The following TENM2 variants were observed in gnomAD, a reference collection of about 807,000 sequenced individuals.
TENM2 encodes teneurin-2.
A neutral mutation model predicts 245.2 loss-of-function variants in TENM2; 52 were observed. That is an observed-to-expected ratio of 0.21 (90% CI 0.17 to 0.27). The LOEUF (loss-of-function observed/expected upper bound fraction) is 0.27, where lower values mean the gene tolerates loss of function less well. TENM2 is among the 10% of genes least tolerant of loss of function. The pLI, the probability that TENM2 is intolerant of heterozygous loss-of-function variation, is 1.00. For missense variants in TENM2, 3,046 were observed against 3,666.8 expected (o/e 0.83, Z 4.37); for synonymous variants, 1,363 against 1,438.9 (o/e 0.95, Z 1.19).
the TENM2 span, among the ~76,000 whole-genome samples, chr5:167,061,635 G>A: frequency 0.034 from 5,224 of 152,160 alleles, 135 homozygotes; most frequent in South Asian, 0.051. Context: ...AAATGGTAAC[G>A]TAAGTGAAAG....
the TENM2 span, among the ~76,000 whole-genome samples, chr5:167,118,829 G>A: frequency 2.0e-5 from 3 of 152,234 alleles, no homozygotes; most frequent in South Asian, 6.2e-4. Context: ...CCTTTCTTGG[G>A]GAGTGAGTCC....
chr5:167,367,949 T>C (rs1273172630), intron 1 of TENM2, among the ~76,000 whole-genome samples: 1 of 152,096 alleles, frequency 6.6e-6, no homozygotes, highest in Admixed American at 6.6e-5. Flanking sequence ...CTTAAATATC[T>C]GCTAGAAAAA....
At chr5:167,744,915 C>A (rs1187852566) in intron 2 of TENM2, among the ~76,000 whole-genome samples, 2 of 152,146 alleles carry the variant, frequency 1.3e-5, no homozygotes, top group African/African-American at 4.8e-5. Context: ...TCAATTATTC[C>A]CCTTTTATGG....
chr5:167,478,396 T>C (rs1767534063), intron 2 of TENM2, among the ~76,000 whole-genome samples: 1 of 152,200 alleles, frequency 6.6e-6, no homozygotes, highest in Non-Finnish European at 1.5e-5. Flanking sequence ...TGATACAATC[T>C]GCATATTTTA....
chr5:167,682,155 T>C (rs1756772499), intron 2 of TENM2, among the ~76,000 whole-genome samples: 1 of 136,764 alleles, frequency 7.3e-6, no homozygotes, highest in Non-Finnish European at 1.6e-5. Flanking sequence ...CGTTCCTTCC[T>C]TCCTTCCTTC....
At chr5:167,651,846 C>T (rs1164742570) in intron 2 of TENM2, among the ~76,000 whole-genome samples, 1 of 152,130 alleles carries the variant, frequency 6.6e-6, no homozygotes, top group East Asian at 1.9e-4. Context: ...ATGCAATACC[C>T]CAAGAAATTC....
At chr5:167,823,577 G>T (rs1287831419) in intron 2 of TENM2, among the ~76,000 whole-genome samples, 2 of 152,120 alleles carry the variant, frequency 1.3e-5, no homozygotes, top group African/African-American at 2.4e-5. Flanking sequence ...AGTGCGAATG[G>T]CTCTCCTGTT....
At chr5:168,114,692 C>T (rs557238792) in intron 9 of TENM2, among the ~76,000 whole-genome samples, 5 of 152,336 alleles carry the variant, frequency 3.3e-5, no homozygotes, top group African/African-American at 1.2e-4. Context: ...CCGCCTTCCA[C>T]TTCTTTGTAT....
the TENM2 span, among the ~76,000 whole-genome samples, chr5:167,274,517 C>T: frequency 0.021 from 3,175 of 151,910 alleles, 126 homozygotes; most frequent in African/African-American, 0.072. Context: ...CTGTGATCAA[C>T]GCCCAGTAGT....
chr5:167,025,640 TAAAAA>T, the TENM2 span, among the ~76,000 whole-genome samples: 1 of 151,920 alleles, frequency 6.6e-6, no homozygotes, highest in African/African-American at 2.4e-5. Context: ...GGTAAAAAAA[TAAAAA>T]ACAAAAACAG....
intron 1 of TENM2, among the ~76,000 whole-genome samples, chr5:167,350,639 G>C (rs1413045088): frequency 7.0e-6 from 1 of 143,304 alleles, no homozygotes; most frequent in Non-Finnish European, 1.5e-5. Flanking sequence ...ATATATATAT[G>C]GGATACGTAT....
chr5:167,420,806 G>T (rs1047418354), intron 2 of TENM2, among the ~76,000 whole-genome samples: 1 of 152,042 alleles, frequency 6.6e-6, no homozygotes, highest in Non-Finnish European at 1.5e-5. Context: ...GTCCCTACTG[G>T]AATATTAGTT....
intron 1 of TENM2, among the ~76,000 whole-genome samples, chr5:167,288,077 G>T (rs1754398496): frequency 6.6e-6 from 1 of 152,022 alleles, no homozygotes; most frequent in African/African-American, 2.4e-5. Context: ...TTGGACCCCG[G>T]AGTTAGGGTG....
chr5:167,731,413 T>C (rs1460924471), intron 2 of TENM2, among the ~76,000 whole-genome samples: 1 of 152,060 alleles, frequency 6.6e-6, no homozygotes, highest in Non-Finnish European at 1.5e-5. Flanking sequence ...ATCCAGCTTT[T>C]TGAGATCTAA....
At chr5:167,798,174 C>T (rs952139690) in intron 2 of TENM2, among the ~76,000 whole-genome samples, 29 of 152,292 alleles carry the variant, frequency 1.9e-4, no homozygotes, top group Middle Eastern at 3.4e-3. Context: ...CACGTCCAGG[C>T]GCAAGCTAAC....
At chr5:167,093,142 TG>T in the TENM2 span, among the ~76,000 whole-genome samples, 1 of 151,378 alleles carries the variant, frequency 6.6e-6, no homozygotes, top group African/African-American at 2.5e-5. Context: ...AGGATTCATT[TG>T]GGGGAGGAAA....
At chr5:167,859,750 G>A (rs1330207405) in intron 2 of TENM2, among the ~76,000 whole-genome samples, 8 of 93,488 alleles carry the variant, frequency 8.6e-5, no homozygotes, top group East Asian at 3.7e-4. Context: ...TCAGCCCCCC[G>A]CCCGGCCAGC....
chr5:167,068,014 G>A, the TENM2 span, among the ~76,000 whole-genome samples: 1 of 152,314 alleles, frequency 6.6e-6, no homozygotes, highest in East Asian at 1.9e-4. Flanking sequence ...GGTGGGTTCT[G>A]CACTGCACAT....
chr5:167,745,381 T>C (rs894156559), intron 2 of TENM2, among the ~76,000 whole-genome samples: 2 of 152,202 alleles, frequency 1.3e-5, no homozygotes, highest in Admixed American at 6.5e-5. Context: ...AAGAAGCCAG[T>C]GTCTCCATGC....
Sources: gnomAD v4.1 joint callset for allele counts (sites outside exome capture counted in the v4.1 genomes callset) on GRCh38, gnomAD v4.1.1 for gene constraint, MANE v1.5 for transcripts, NCBI Gene and HGNC (gene_info 2026-07-23, HGNC 2026-07-21) for gene names.